The following RALYL variants were observed in gnomAD, a reference collection of about 807,000 sequenced individuals.
RALYL encodes RNA-binding Raly-like protein.
RALYL carries 29 observed loss-of-function variants against 35.1 expected under a neutral mutation model. The ratio of observed to expected loss-of-function variants is 0.83; its 90% CI spans 0.61 to 1.13. The LOEUF (loss-of-function observed/expected upper bound fraction) is 1.13. Among genes scored for constraint, RALYL ranks in the 50% most tolerant of loss-of-function variants. The probability of loss-of-function intolerance (pLI) is 0.00; values close to 1 mark genes in which losing one functional copy is unlikely to be tolerated. For missense variants in RALYL, 359 were observed against 360.4 expected (o/e 1.00, Z 0.03); for synonymous variants, 120 against 127.6 (o/e 0.94, Z 0.40).
intron 2 of RALYL, among the ~76,000 whole-genome samples, chr8:84,572,986 A>G (rs1808388623): frequency 6.6e-6 from 1 of 151,504 alleles, no homozygotes; most frequent in Non-Finnish European, 1.5e-5. Flanking sequence ...AACTTTATAT[A>G]ATCCCAGTGT....
intron 1 of RALYL, among the ~76,000 whole-genome samples, chr8:84,210,235 T>C (rs1819142423): frequency 6.6e-6 from 1 of 152,110 alleles, no homozygotes; most frequent in African/African-American, 2.4e-5. Context: ...TGTGTATATA[T>C]ATATGTATAT....
At chr8:84,786,773 G>T (rs1252066985) in intron 3 of RALYL, among the ~76,000 whole-genome samples, 1 of 151,980 alleles carries the variant, frequency 6.6e-6, no homozygotes, top group Non-Finnish European at 1.5e-5. Context: ...CTCCCATTCT[G>T]TAAGTTGTCT....
At chr8:84,525,499 A>T (rs2058811985) in intron 1 of RALYL, among the ~76,000 whole-genome samples, 1 of 151,878 alleles carries the variant, frequency 6.6e-6, no homozygotes, top group Non-Finnish European at 1.5e-5. Context: ...AGGTTCATTG[A>T]GATTCTTAGA....
intron 2 of RALYL, among the ~76,000 whole-genome samples, chr8:84,696,129 C>G (rs1030920560): frequency 6.6e-6 from 1 of 151,658 alleles, no homozygotes; most frequent in African/African-American, 2.4e-5. Flanking sequence ...TCTGTTTTTA[C>G]TTAGCATTAC....
At chr8:84,514,470 G>C (rs1324709756) in intron 1 of RALYL, among the ~76,000 whole-genome samples, 1 of 152,168 alleles carries the variant, frequency 6.6e-6, no homozygotes, top group Non-Finnish European at 1.5e-5. Flanking sequence ...GAACCAGCAA[G>C]TTCTGTGTCT....
intron 1 of RALYL, among the ~76,000 whole-genome samples, chr8:84,493,369 A>G (rs1194952442): frequency 1.3e-5 from 2 of 151,306 alleles, no homozygotes; most frequent in Non-Finnish European, 2.9e-5. Context: ...TATTGCTGCA[A>G]TAAACATATG....
At chr8:84,482,298 G>C (rs1446827832) in intron 1 of RALYL, among the ~76,000 whole-genome samples, 1 of 152,012 alleles carries the variant, frequency 6.6e-6, no homozygotes, top group Non-Finnish European at 1.5e-5. Context: ...GTGTAATCAA[G>C]TTATTTCTAT....
chr8:84,722,222 A>G (rs535128876), intron 2 of RALYL, among the ~76,000 whole-genome samples: 1 of 152,274 alleles, frequency 6.6e-6, no homozygotes, highest in East Asian at 1.9e-4. Flanking sequence ...TTTTCTGAGT[A>G]TAATTGAGAT....
At chr8:84,536,727 G>A (rs558052579) in intron 2 of RALYL, among the ~76,000 whole-genome samples, 4 of 152,192 alleles carry the variant, frequency 2.6e-5, no homozygotes, top group African/African-American at 9.6e-5. Context: ...TGAGAAAAAA[G>A]AAGATAATTT....
chr8:84,418,818 C>G (rs1440487802), intron 1 of RALYL, among the ~76,000 whole-genome samples: 4 of 152,152 alleles, frequency 2.6e-5, no homozygotes. Flanking sequence ...CCTCCACAAA[C>G]CAACCTCTTG....
chr8:84,412,708 G>A (rs535564209), intron 1 of RALYL, among the ~76,000 whole-genome samples: 1 of 152,028 alleles, frequency 6.6e-6, no homozygotes, highest in South Asian at 2.1e-4. Context: ...AAGCAATTAG[G>A]TAGATATTTT....
chr8:84,914,128 T>C (rs976811757), intron 8 of RALYL, among the ~76,000 whole-genome samples: 4 of 152,042 alleles, frequency 2.6e-5, no homozygotes, highest in African/African-American at 9.7e-5. Flanking sequence ...AAATGATTTT[T>C]AAAATATTTC....
chr8:84,367,968 T>A (rs1197720644), intron 1 of RALYL, among the ~76,000 whole-genome samples: 1 of 152,212 alleles, frequency 6.6e-6, no homozygotes, highest in African/African-American at 2.4e-5. Flanking sequence ...CTTTTTAAAT[T>A]TTCTCATGTG....
chr8:84,539,886 ATGTG>A (rs371636213), intron 2 of RALYL, among the ~76,000 whole-genome samples: 50 of 86,878 alleles, frequency 5.8e-4, no homozygotes, highest in African/African-American at 1.6e-3. Flanking sequence ...ATGTATATAT[ATGTG>A]TGTGTGTGTG....
intron 2 of RALYL, among the ~76,000 whole-genome samples, chr8:84,668,318 T>A (rs1290671092): frequency 3.3e-5 from 5 of 152,132 alleles, no homozygotes; most frequent in Admixed American, 2.0e-4. Flanking sequence ...AAATTCTGCC[T>A]GAGTGAAAAA....
chr8:84,425,411 C>G (rs556157289), intron 1 of RALYL, among the ~76,000 whole-genome samples: 4 of 152,266 alleles, frequency 2.6e-5, no homozygotes, highest in African/African-American at 9.6e-5. Flanking sequence ...CTTCGGCTCG[C>G]GCACGGTGCG....
At chr8:84,331,566 T>G (rs1846832212) in intron 1 of RALYL, among the ~76,000 whole-genome samples, 1 of 152,058 alleles carries the variant, frequency 6.6e-6, no homozygotes, top group South Asian at 2.1e-4. Context: ...TCCAGAAGTG[T>G]TGGTCTATGC....
chr8:84,880,497 A>G (rs560222272), intron 7 of RALYL, among the ~76,000 whole-genome samples: 1 of 151,920 alleles, frequency 6.6e-6, no homozygotes, highest in Non-Finnish European at 1.5e-5. Context: ...TGCCAGTCTC[A>G]ACATTATCCT....
intron 4 of RALYL, among the ~76,000 whole-genome samples, chr8:84,826,219 T>C (rs1829662620): frequency 7.1e-6 from 1 of 141,086 alleles, no homozygotes; most frequent in Admixed American, 7.6e-5. Context: ...GGTGATGGGA[T>C]CAATCATACT....
Sources: allele counts gnomAD v4.1 joint callset (sites outside exome capture counted in the v4.1 genomes callset), GRCh38; gene constraint gnomAD v4.1.1; transcripts MANE v1.5; gene names NCBI Gene and HGNC (gene_info 2026-07-23, HGNC 2026-07-21).